The following HERC1 variants were observed in gnomAD, a reference collection of about 807,000 sequenced individuals.
HERC1 encodes the protein HECT and RLD domain containing E3 ubiquitin protein ligase family member 1, also known as probable E3 ubiquitin-protein ligase HERC1.
In HERC1, 160 loss-of-function variants were observed where a neutral mutation model predicts 554.3. The observed-to-expected ratio is 0.29, with a 90% CI of 0.25 to 0.33. The LOEUF is 0.33. HERC1 is among the 10% of genes least tolerant of loss of function. The pLI, the probability that HERC1 is intolerant of heterozygous loss-of-function variation, is 1.00. For synonymous variants in HERC1, 2,175 were observed against 2,131.7 expected (o/e 1.02, Z -0.56); for missense variants, 4,919 against 5,918.5 (o/e 0.83, Z 5.54).
intron 12 of HERC1, among the ~76,000 whole-genome samples, chr15:63,743,060 C>A (rs1027827103): frequency 6.6e-6 from 1 of 152,008 alleles, no homozygotes; most frequent in Non-Finnish European, 1.5e-5. Flanking sequence ...TAGTCTTAAT[C>A]CTTCTTTAAA....
Position 63,725,326 on chromosome 15 carries a change from G to C in HERC1, c.3534C>G (p.Phe1178Leu), listed in dbSNP as rs376418299. Residue 1178 changes from phenylalanine to leucine, a missense_variant, in exon 18 of 78, where the codon TTC becomes TTG. Transcript: ENST00000443617. ...DTAYWMKTPLFSDGVEMDTPQ... is the reference protein window; with the variant it reads ...DTAYWMKTPLLSDGVEMDTPQ... ...GAGTGTCCATTTCTACACCGTCACT[G>C]AACAGTGGCGTTTTCATCCAATATG... 1.1e-4 allele frequency: 174 copies of C among 1,613,772 alleles called. 1 individual carries two copies. Among genetic ancestry groups the C allele is most frequent in the Non-Finnish European group, 1.4e-4 (166 of 1,179,858 alleles).
intron 18 of HERC1, 77 bp downstream of exon 18, chr15:63,725,215 A>G (rs1178091156): frequency 5.5e-6 from 7 of 1,268,168 alleles, no homozygotes; most frequent in Non-Finnish European, 7.7e-6. Context: ...TTCTCTATTT[A>G]GCAAATCAGA....
chr15:63,727,767 A>C lies in HERC1; in HGVS notation c.3226T>G (p.Ser1076Ala). 3 of 1,614,014 alleles carry C rather than the reference A, an allele frequency of 1.9e-6. No individual in the cohort carries two copies. The South Asian group carries it at 3.3e-5, about 18-fold the overall frequency. ...TAACTCAATAAAGGCCGAGCCACTGACACAGGGAGTAACAGCAGGGAGTTA... is the reference window on the plus strand; with the variant it reads ...TAACTCAATAAAGGCCGAGCCACTGCCACAGGGAGTAACAGCAGGGAGTTA... ...IVNSLLLLPV[S>A]VARPLLSYLL... The change falls in exon 17 of 78, where the codon TCA becomes GCA. Residue 1076 changes from serine to alanine, a missense_variant. Transcript: ENST00000443617. The surrounding 1 kb of genome is among the most constrained non-coding windows in gnomAD (Gnocchi z 4.3).
Position 63,612,214 on chromosome 15 carries a change from G to T in HERC1, c.14400+37C>A, listed in dbSNP as rs772222697. The T allele has an allele frequency of 1.2e-5, 18 of 1,517,232 alleles. No homozygotes were observed. Among genetic ancestry groups the T allele is most frequent in the Non-Finnish European group, 1.6e-5 (18 of 1,117,708 alleles). 94.0% of individuals were successfully genotyped at this position (1,517,232 alleles called of 1,614,324 possible). A position where few individuals can be genotyped will look rare whatever the true frequency, so the allele number is the denominator to read the frequency against. ...ACAAAAACAACAATGAAGCAATAAGGCAGACATTACAAAGGAAAAAAGAAT... is the reference window on the plus strand; with the variant it reads ...ACAAAAACAACAATGAAGCAATAAGTCAGACATTACAAAGGAAAAAAGAAT... On this transcript the variant is annotated intron_variant, in intron 77 of 77. Transcript: ENST00000443617. The surrounding 1 kb of genome is among the most constrained non-coding windows in gnomAD (Gnocchi z 5.0).
In HERC1 at chr15:63,703,982, G is replaced by A. The variant is rs999266076; in HGVS notation, c.4636+2798C>T. ...GGCTGGACATTTGTTTGTCCTTCAT[G>A]GCTCAAGTCAGAATCAGAATACTCA... On this transcript the variant is annotated intron_variant, in intron 25 of 77. Transcript: ENST00000443617. Among the ~76,000 whole-genome samples, 10 of 151,910 alleles carry A rather than the reference G, an allele frequency of 6.6e-5. No homozygotes were observed. In the South Asian group the frequency reaches 1.7e-3, roughly 25 times the overall value.
At position 63,727,291 on chromosome 15, in the gene HERC1, G is replaced by T. The variant is rs958126586; in HGVS notation, c.3346+356C>A. ...ACTCCATCTCAAAAAAAGAAAAAAG[G>T]AAAGAATAAATTTGGAACAACTCCA... On this transcript the variant is annotated intron_variant, in intron 17 of 77. Coordinates refer to ENST00000443617, the MANE Select transcript of HERC1 (RefSeq NM_003922.4). The surrounding 1 kb of genome is among the most constrained non-coding windows in gnomAD (Gnocchi z 4.3). Among the ~76,000 whole-genome samples the T allele has an allele frequency of 6.6e-6, 1 of 151,976 alleles. No individual in the cohort carries two copies.
Position 63,656,280 on chromosome 15 carries a change from G to A in HERC1, c.9678C>T (p.Cys3226=). The change falls in exon 49 of 78, where the codon TGC becomes TGT. Residue 3226 remains cysteine (C), a synonymous_variant. Coordinates refer to ENST00000443617, the MANE Select transcript of HERC1 (RefSeq NM_003922.4). ...GGCCAGCTCTCCCTGCTGCTGCCAA[G>A]CACATTAATCGAACTAGCGTTCGGA... is the stretch of plus-strand genomic sequence containing the variant. ...TDIRTLVRLM[C]LAAAGRAGLS... is the part of the protein sequence containing the mutation. 2 of 1,613,990 alleles carry A rather than the reference G, an allele frequency of 1.2e-6. No individual in the cohort carries two copies. The highest frequency in any genetic ancestry group is 1.1e-5 in the South Asian group (1 of 91,088).
intron 1 of HERC1, among the ~76,000 whole-genome samples, chr15:63,802,832 C>G (rs1007188473): frequency 6.6e-6 from 1 of 152,192 alleles, no homozygotes; most frequent in African/African-American, 2.4e-5. Flanking sequence ...TCTAGGTGAA[C>G]AAAGCAATAA....
In HERC1 at chr15:63,692,673, T is replaced by C. The variant is rs2072174406; in HGVS notation, c.5675-107A>G. 1.1e-6 allele frequency: 1 copy of C among 940,400 alleles called. No individual in the cohort carries two copies. The highest frequency in any genetic ancestry group is 3.4e-5 in the Admixed American group (1 of 29,380). The allele number at this position is 940,400 out of a possible 1,614,324, so 58.3% of individuals were successfully genotyped here. ...CAGTAAGCACAAATCTAATGCAAAA[T>C]CTTAGGCTGTCAGCTACTGAATTCT... On this transcript the variant is annotated intron_variant, in intron 30 of 77. Coordinates refer to ENST00000443617, the MANE Select transcript of HERC1 (RefSeq NM_003922.4). The surrounding 1 kb of genome is among the most constrained non-coding windows in gnomAD (Gnocchi z 4.7).
intron 36 of HERC1, among the ~76,000 whole-genome samples, chr15:63,679,381 G>A (rs2071362534): frequency 1.3e-5 from 2 of 152,012 alleles, no homozygotes; most frequent in African/African-American, 4.8e-5. Flanking sequence ...TAATTTTCTT[G>A]GTTAGAATAT....
At chr15:63,664,374 C>G in intron 43 of HERC1, 96 bp downstream of exon 43, 1 of 1,092,456 alleles carries the variant, frequency 9.2e-7, no homozygotes, top group Non-Finnish European at 1.3e-6. Flanking sequence ...GGACTGAGCA[C>G]TTAGTATCAT....
At chr15:63,815,952 T>G (rs903353975) in intron 1 of HERC1, among the ~76,000 whole-genome samples, 1 of 152,094 alleles carries the variant, frequency 6.6e-6, no homozygotes, top group Non-Finnish European at 1.5e-5. Context: ...TCAGATCTCA[T>G]GAGAACTCAC....
At chr15:63,702,648 T>A (rs1042226669) in intron 25 of HERC1, among the ~76,000 whole-genome samples, 2 of 152,222 alleles carry the variant, frequency 1.3e-5, no homozygotes, top group East Asian at 3.8e-4. Flanking sequence ...TTGTCAAGAA[T>A]TTTATCAGGC....
intron 31 of HERC1, among the ~76,000 whole-genome samples, chr15:63,691,636 T>C (rs529635090): frequency 2.6e-4 from 39 of 151,832 alleles, no homozygotes; most frequent in African/African-American, 8.2e-4. Context: ...CCTTACCTTA[T>C]TAAAGGAAAA....
At chr15:63,654,065 G>T in intron 51 of HERC1, 54 bp downstream of exon 51, 2 of 1,388,410 alleles carry the variant, frequency 1.4e-6, no homozygotes, top group Non-Finnish European at 1.0e-6. Flanking sequence ...GAAGAGAAGA[G>T]ACTATTTCAT....
At chr15:63,635,233 G>A (rs1321153065) in intron 65 of HERC1, among the ~76,000 whole-genome samples, 2 of 152,056 alleles carry the variant, frequency 1.3e-5, no homozygotes, top group Non-Finnish European at 2.9e-5. Context: ...ATTTTTTGTA[G>A]AGACAGGGTC....
chr15:63,813,431 A>G (rs7182375), intron 1 of HERC1, among the ~76,000 whole-genome samples: 117,432 of 151,656 alleles, frequency 0.77, 47,328 homozygotes, highest in Non-Finnish European at 0.87. Context: ...TAATGTTTAC[A>G]AAATCTGAGT....
At chr15:63,661,280 C>T (rs2070344005) in intron 45 of HERC1, among the ~76,000 whole-genome samples, 1 of 152,202 alleles carries the variant, frequency 6.6e-6, no homozygotes, top group African/African-American at 2.4e-5. Flanking sequence ...TAACCAAATT[C>T]TATTCCATAA....
Position 63,747,863 on chromosome 15 carries a change from A to T in HERC1, c.2220-5T>A. The T allele has an allele frequency of 4.6e-6, 7 of 1,532,010 alleles. No individual in the cohort carries two copies. The highest frequency in any genetic ancestry group is 6.1e-6 in the Non-Finnish European group (7 of 1,140,212). The allele number at this position is 1,532,010 out of a possible 1,614,324, so 94.9% of individuals were successfully genotyped here. A position where few individuals can be genotyped will look rare whatever the true frequency, so the allele number is the denominator to read the frequency against. On this transcript the variant is annotated splice_region_variant and splice_polypyrimidine_tract_variant and intron_variant, in intron 10 of 77. Transcript: ENST00000443617. Reference sequence around the variant, plus strand: ...CGGTGCCATGCAACAACTTGTCTAGAAGGACACATAAGAAAATAATAAAAC... The same window carrying T: ...CGGTGCCATGCAACAACTTGTCTAGTAGGACACATAAGAAAATAATAAAAC...
Sources: allele counts gnomAD v4.1 joint callset (sites outside exome capture counted in the v4.1 genomes callset), GRCh38; gene constraint gnomAD v4.1.1; non-coding constraint Gnocchi (gnomAD v3.1); transcripts MANE v1.5; gene names NCBI Gene and HGNC (gene_info 2026-07-23, HGNC 2026-07-21).